Variants in WDPCP observed in about 807,000 individuals in gnomAD.
The protein encoded by WDPCP is WD repeat-containing and planar cell polarity effector protein fritz homolog.
In WDPCP, 71 loss-of-function variants were observed where a neutral mutation model predicts 93.1. The observed-to-expected ratio is 0.76, with a 90% CI of 0.63 to 0.93. The LOEUF is 0.93. Ranked by LOEUF, WDPCP falls within the 40% of genes least tolerant of loss-of-function variation. The probability of loss-of-function intolerance (pLI) is 0.00; values close to 1 mark genes in which losing one functional copy is unlikely to be tolerated. For missense variants in WDPCP, 844 were observed against 887.4 expected (o/e 0.95, Z 0.62); for synonymous variants, 315 against 315.0 (o/e 1.00, Z 0.00).
intron 15 of WDPCP, among the ~76,000 whole-genome samples, chr2:63,172,282 G>T (rs1559173008): frequency 6.6e-6 from 1 of 152,178 alleles, no homozygotes; most frequent in Non-Finnish European, 1.5e-5. Context: ...GAGGCAAAAG[G>T]ATCACTTGAG....
upstream of WDPCP, chr2:63,588,489 C>T (rs1709040969): frequency 3.1e-6 from 2 of 639,042 alleles, no homozygotes; most frequent in Non-Finnish European, 5.6e-6. Context: ...ATTCCCCCGC[C>T]CCTCCAGAGT....
At chr2:63,569,281 A>C (rs1224371691) in intron 1 of WDPCP, among the ~76,000 whole-genome samples, 2 of 152,224 alleles carry the variant, frequency 1.3e-5, no homozygotes, top group East Asian at 3.8e-4. Flanking sequence ...TTAACTAAAA[A>C]CTTGAGACAA....
chr2:63,367,156 CTGTT>C, intron 12 of WDPCP, among the ~76,000 whole-genome samples: 1 of 151,546 alleles, frequency 6.6e-6, no homozygotes, highest in East Asian at 1.9e-4. Context: ...TCTGTTCTTT[CTGTT>C]TAATTTTACT....
intron 12 of WDPCP, among the ~76,000 whole-genome samples, chr2:63,338,123 T>C (rs889033335): frequency 1.9e-4 from 29 of 152,220 alleles, no homozygotes; most frequent in African/African-American, 6.8e-4. Context: ...AGTAGTTTTA[T>C]ACTTTCAGGT....
chr2:63,213,547 C>T (rs1409254806), intron 14 of WDPCP, among the ~76,000 whole-genome samples: 1 of 152,136 alleles, frequency 6.6e-6, no homozygotes, highest in Non-Finnish European at 1.5e-5. Flanking sequence ...GACACCCTAA[C>T]ATCACAATTA....
rs144580402 is a variant in WDPCP at position 63,659,912 on chromosome 2, G to A, written n.309-9074C>T. On this transcript the variant is annotated intron_variant and non_coding_transcript_variant, in intron 2 of 4. Transcript: ENST00000467687. ...CTCTGAAGAACACAGAAAACTTTTC[G>A]TTTTAATAATCCAATCATTTTAATA... is the stretch of plus-strand genomic sequence containing the variant. Among the ~76,000 whole-genome samples, 990 of 152,086 alleles carry A rather than the reference G, an allele frequency of 6.5e-3. 15 individuals carry two copies. The highest frequency in any genetic ancestry group is 0.021 in the African/African-American group (889 of 41,472).
At chr2:63,392,264 T>A (rs1309121622) in intron 10 of WDPCP, among the ~76,000 whole-genome samples, 1 of 152,112 alleles carries the variant, frequency 6.6e-6, no homozygotes, top group Non-Finnish European at 1.5e-5. Flanking sequence ...TTGACAAACC[T>A]GACAAAAACA....
At chr2:63,840,688 C>A in the WDPCP span, among the ~76,000 whole-genome samples, 2 of 152,180 alleles carry the variant, frequency 1.3e-5, no homozygotes, top group Non-Finnish European at 2.9e-5. Context: ...CCCTAGTCAG[C>A]GGGAATATTT....
At chr2:63,296,988 T>C (rs1172267267) in intron 13 of WDPCP, among the ~76,000 whole-genome samples, 1 of 152,152 alleles carries the variant, frequency 6.6e-6, no homozygotes, top group African/African-American at 2.4e-5. Flanking sequence ...GCCAAAGCAA[T>C]CCTAAGGAAA....
intron 12 of WDPCP, among the ~76,000 whole-genome samples, chr2:63,358,368 A>G (rs1001069745): frequency 1.3e-5 from 2 of 152,190 alleles, no homozygotes; most frequent in Admixed American, 1.3e-4. Flanking sequence ...AGATTTAAAA[A>G]TGTTTTCTAG....
intron 1 of WDPCP, among the ~76,000 whole-genome samples, chr2:63,818,373 T>C (rs1488785313): frequency 6.6e-6 from 1 of 152,194 alleles, no homozygotes; most frequent in African/African-American, 2.4e-5. Context: ...ATCCTTAAAA[T>C]GGTCACCAAT....
chr2:63,427,558 C>T (rs1231466953), intron 9 of WDPCP, among the ~76,000 whole-genome samples: 2 of 152,104 alleles, frequency 1.3e-5, no homozygotes, highest in Admixed American at 1.3e-4. Context: ...AGAGACACAA[C>T]ATACAAAATC....
rs1553362983 is a variant in WDPCP at position 63,362,277 on chromosome 2, T to TTGGGTGTGTG, written c.1748+16108_1748+16109insCACACACCCA. Among the ~76,000 whole-genome samples the TTGGGTGTGTG allele has an allele frequency of 6.8e-3, 642 of 94,106 alleles. 28 individuals are homozygous for TTGGGTGTGTG. Among genetic ancestry groups the TTGGGTGTGTG allele is most frequent in the East Asian group, 0.012 (34 of 2,944 alleles). The allele number at this position is 94,106 out of a possible 152,430, so 61.7% of individuals were successfully genotyped here. On this transcript the variant is annotated intron_variant, in intron 12 of 17. Transcript: ENST00000272321. ...GAATCCCTTTTTTTTTTTTTTTTGGTTGTGTGTGTGTGTGTGTGTGTGTGT... is the reference window on the plus strand; with the variant it reads ...GAATCCCTTTTTTTTTTTTTTTTGGTTGGGTGTGTGTGTGTGTGTGTGTGTGTGTGTGTGT...
intron 12 of WDPCP, among the ~76,000 whole-genome samples, chr2:63,353,375 A>C (rs559073343): frequency 6.6e-6 from 1 of 152,184 alleles, no homozygotes; most frequent in Non-Finnish European, 1.5e-5. Context: ...GACTGAGCAA[A>C]AACAGCCTGC....
intron 3 of WDPCP, among the ~76,000 whole-genome samples, chr2:63,614,423 T>C: frequency 6.6e-6 from 1 of 152,224 alleles, no homozygotes; most frequent in Non-Finnish European, 1.5e-5. Context: ...TAATGAAGCC[T>C]AGATGAACTC....
At chr2:63,603,722 A>T (rs548179175) in intron 3 of WDPCP, among the ~76,000 whole-genome samples, 1 of 131,118 alleles carries the variant, frequency 7.6e-6, no homozygotes, top group East Asian at 2.2e-4. Flanking sequence ...CAGTGGTGCG[A>T]TCTTGGCTCA....
At chr2:63,684,778 T>G in intron 2 of WDPCP, 2 of 527,004 alleles carry the variant, frequency 3.8e-6, no homozygotes, top group Middle Eastern at 6.1e-4. Flanking sequence ...AAGCATTTTC[T>G]CTGATCACAA....
chr2:63,159,906 C>T (rs565612082), intron 15 of WDPCP, among the ~76,000 whole-genome samples: 26 of 152,300 alleles, frequency 1.7e-4, no homozygotes, highest in Non-Finnish European at 3.2e-4. Context: ...TTTTCACAAG[C>T]TTTCATGTCT....
chr2:63,248,451 T>G (rs1680459306), intron 14 of WDPCP, among the ~76,000 whole-genome samples: 1 of 152,192 alleles, frequency 6.6e-6, no homozygotes. Flanking sequence ...ATCTTACATT[T>G]GTGGATCCAT....
Sources: gnomAD v4.1 joint callset for allele counts (sites outside exome capture counted in the v4.1 genomes callset) on GRCh38, gnomAD v4.1.1 for gene constraint, MANE v1.5 for transcripts, NCBI Gene and HGNC (gene_info 2026-07-23, HGNC 2026-07-21) for gene names.